Variants in GPAT3 observed in about 807,000 individuals in gnomAD.
GPAT3 encodes 1-AGP acyltransferase 9.
GPAT3 carries 53 observed loss-of-function variants against 58.8 expected under a neutral mutation model. The ratio of observed to expected loss-of-function variants is 0.90; its 90% CI spans 0.72 to 1.13. The LOEUF (loss-of-function observed/expected upper bound fraction) is 1.13. Among genes scored for constraint, GPAT3 ranks in the 50% most tolerant of loss-of-function variants. GPAT3 has a pLI of 0.00. For synonymous variants in GPAT3, 197 were observed against 187.4 expected (o/e 1.05, Z -0.42); for missense variants, 511 against 527.6 (o/e 0.97, Z 0.31).
intron 2 of GPAT3, among the ~76,000 whole-genome samples, chr4:83,564,192 A>G (rs1013853097): frequency 6.6e-6 from 1 of 152,200 alleles, no homozygotes; most frequent in Non-Finnish European, 1.5e-5. Context: ...AATGTTGTAA[A>G]TATATGTCTA....
At position 83,536,615 on chromosome 4, in the gene GPAT3, G is replaced by A; in HGVS notation, c.-8G>A. 6.2e-7 allele frequency: 1 copy of A among 1,611,178 alleles called. No individual in the cohort carries two copies. Among genetic ancestry groups the A allele is most frequent in the Non-Finnish European group, 8.5e-7 (1 of 1,179,356 alleles). On this transcript the variant is annotated 5_prime_UTR_variant, in exon 1 of 12. Coordinates refer to ENST00000264409, the MANE Select transcript of GPAT3 (RefSeq NM_032717.5). ...CTGCGGACCTCTCCTGAGTGGGTGC[G>A]CCGAGTCATGGAGGGCGCAGAGCTG...
chr4:83,561,111 C>A (rs1426905895), intron 2 of GPAT3, among the ~76,000 whole-genome samples: 12 of 152,172 alleles, frequency 7.9e-5, no homozygotes, highest in Admixed American at 7.9e-4. Context: ...TAGCAAATAA[C>A]ACCCTTCTTC....
At chr4:83,535,768 T>A (rs1478107819), upstream of GPAT3, 8 of 985,456 alleles carry the variant, frequency 8.1e-6, no homozygotes, top group Non-Finnish European at 9.6e-6. Context: ...AGAAGCGGCG[T>A]ACACGGCTGC....
chr4:83,558,242 G>A (rs1725009444), intron 2 of GPAT3, among the ~76,000 whole-genome samples: 2 of 151,902 alleles, frequency 1.3e-5, no homozygotes. Flanking sequence ...CATCTTGACA[G>A]TTTTGATGAA....
intron 2 of GPAT3, among the ~76,000 whole-genome samples, chr4:83,566,805 T>TC (rs1326968769): frequency 6.6e-6 from 1 of 150,840 alleles, no homozygotes; most frequent in Non-Finnish European, 1.5e-5. Context: ...TTTTTTTTTT[T>TC]CCCCATTTGT....
intron 1 of GPAT3, among the ~76,000 whole-genome samples, chr4:83,540,296 C>T (rs1309237754): frequency 6.6e-6 from 1 of 151,942 alleles, no homozygotes; most frequent in Non-Finnish European, 1.5e-5. Flanking sequence ...TTTCAACTTT[C>T]CTTGGGGGGC....
chr4:83,583,207 T>G (rs1276093486), intron 3 of GPAT3, among the ~76,000 whole-genome samples: 1 of 151,814 alleles, frequency 6.6e-6, no homozygotes, highest in Non-Finnish European at 1.5e-5. Context: ...GACAGGAGAA[T>G]CGCTTGAACC....
At chr4:83,568,827 C>A (rs1725501907) in intron 2 of GPAT3, among the ~76,000 whole-genome samples, 1 of 152,086 alleles carries the variant, frequency 6.6e-6, no homozygotes, top group African/African-American at 2.4e-5. Flanking sequence ...TTTCATTTGT[C>A]ATCCTCTTCA....
chr4:83,562,211 T>TTATATATATATATATAATATATATATAA, intron 2 of GPAT3, among the ~76,000 whole-genome samples: 1 of 73,008 alleles, frequency 1.4e-5, no homozygotes, highest in Non-Finnish European at 2.5e-5. Context: ...TATATATATA[T>TTATATATATATATATAATATATATATAA]TATATATATA....
chr4:83,574,593 C>G (rs1725717333), intron 2 of GPAT3, among the ~76,000 whole-genome samples: 1 of 125,760 alleles, frequency 8.0e-6, no homozygotes, highest in African/African-American at 2.9e-5. Flanking sequence ...ATGGCTTTAC[C>G]CTTTTAAAGC....
At chr4:83,588,732 T>C (rs1349829553) in intron 5 of GPAT3, among the ~76,000 whole-genome samples, 1 of 152,200 alleles carries the variant, frequency 6.6e-6, no homozygotes, top group African/African-American at 2.4e-5. Context: ...GTGGTGGAAA[T>C]AGGACTAGAC....
chr4:83,569,265 A>G (rs1027434213), intron 2 of GPAT3, among the ~76,000 whole-genome samples: 3 of 152,210 alleles, frequency 2.0e-5, no homozygotes, highest in South Asian at 2.1e-4. Context: ...GAAGGAGCCT[A>G]TGCAAGTTTG....
At chr4:83,571,191 AGTTT>A (rs1416848380) in intron 2 of GPAT3, among the ~76,000 whole-genome samples, 2 of 152,160 alleles carry the variant, frequency 1.3e-5, no homozygotes, top group Non-Finnish European at 2.9e-5. Flanking sequence ...TAATACCAAT[AGTTT>A]GTTTATTTAT....
chr4:83,574,499 A>ACAGTTGTAATTT (rs1725713576), intron 2 of GPAT3, among the ~76,000 whole-genome samples: 1 of 151,962 alleles, frequency 6.6e-6, no homozygotes, highest in Non-Finnish European at 1.5e-5. Context: ...TGTGAGATAG[A>ACAGTTGTAATTT]CAGTTGTAAT....
At chr4:83,553,409 A>G (rs1259676019) in intron 2 of GPAT3, among the ~76,000 whole-genome samples, 2 of 152,158 alleles carry the variant, frequency 1.3e-5, no homozygotes, top group African/African-American at 4.8e-5. Context: ...CCTATGCCTT[A>G]CCTCTATTTT....
Position 83,536,628 on chromosome 4 carries a change from G to A in GPAT3, c.6G>A (p.Glu2=). M[E]GAELAGKILS... ...CTGAGTGGGTGCGCCGAGTCATGGA[G>A]GGCGCAGAGCTGGCCGGGAAGATCC... Residue 2 remains glutamate, a synonymous_variant, in exon 1 of 12, where the codon GAG becomes GAA. Transcript: ENST00000264409. The A allele has an allele frequency of 6.2e-7, 1 of 1,612,410 alleles. No homozygotes were observed. The highest frequency in any genetic ancestry group is 2.2e-5 in the East Asian group (1 of 44,882).
chr4:83,581,871 T>C (rs938728638), intron 3 of GPAT3, 39 bp downstream of exon 3: 3 of 1,568,382 alleles, frequency 1.9e-6, no homozygotes, highest in African/African-American at 2.7e-5. Flanking sequence ...TACGCTTGAC[T>C]CAGCTTTCTT....
chr4:83,557,757 G>T (rs888612080), intron 2 of GPAT3, among the ~76,000 whole-genome samples: 6 of 152,198 alleles, frequency 3.9e-5, no homozygotes, highest in Non-Finnish European at 7.3e-5. Flanking sequence ...ACCAGAGAGG[G>T]TCACTAACTG....
At chr4:83,549,051 G>A (rs1724648010) in intron 2 of GPAT3, among the ~76,000 whole-genome samples, 1 of 151,228 alleles carries the variant, frequency 6.6e-6, no homozygotes, top group African/African-American at 2.4e-5. Flanking sequence ...ACAGAAGTTT[G>A]AGAAATATCA....
Sources: allele counts gnomAD v4.1 joint callset (sites outside exome capture counted in the v4.1 genomes callset), GRCh38; gene constraint gnomAD v4.1.1; transcripts MANE v1.5; gene names NCBI Gene and HGNC (gene_info 2026-07-23, HGNC 2026-07-21).